Variants in COL23A1 observed in about 807,000 individuals in gnomAD.
COL23A1 encodes collagen alpha-1(XXIII) chain.
A neutral mutation model predicts 99.3 loss-of-function variants in COL23A1; 97 were observed. The ratio of observed to expected loss-of-function variants is 0.98; its 90% CI spans 0.83 to 1.16. The LOEUF (loss-of-function observed/expected upper bound fraction) is 1.16, where lower values mean the gene tolerates loss of function less well. Among genes scored for constraint, COL23A1 ranks in the 50% most tolerant of loss-of-function variants. The probability of loss-of-function intolerance (pLI) is 0.00; values close to 1 mark genes in which losing one functional copy is unlikely to be tolerated. For missense variants in COL23A1, 762 were observed against 757.4 expected (o/e 1.01, Z -0.07); for synonymous variants, 320 against 308.2 (o/e 1.04, Z -0.40).
Position 178,281,483 on chromosome 5 carries a change from T to C in COL23A1, c.441+6841A>G, listed in dbSNP as rs1451558946. ...CTGCTCCCAGGACTGAGGCCGGAGATGAAGTGCAGTCACCGCTCCCTCGAC... is the reference window on the plus strand; with the variant it reads ...CTGCTCCCAGGACTGAGGCCGGAGACGAAGTGCAGTCACCGCTCCCTCGAC... On this transcript the variant is annotated intron_variant, in intron 5 of 28. Coordinates refer to ENST00000390654, the MANE Select transcript of COL23A1 (RefSeq NM_173465.4). The surrounding 1 kb of genome is among the most constrained non-coding windows in gnomAD (Gnocchi z 4.0). 6.6e-6 allele frequency among the ~76,000 whole-genome samples: 1 copy of C among 152,088 alleles called. No homozygotes were observed. The highest frequency in any genetic ancestry group is 1.5e-5 in the Non-Finnish European group (1 of 68,006).
intron 2 of COL23A1, among the ~76,000 whole-genome samples, chr5:178,530,299 A>T (rs1760571078): frequency 6.6e-6 from 1 of 152,134 alleles, no homozygotes; most frequent in South Asian, 2.1e-4. Context: ...CGTCTCTGCT[A>T]AAAATAAAAA....
intron 2 of COL23A1, among the ~76,000 whole-genome samples, chr5:178,417,558 G>T (rs184964400): frequency 1.3e-5 from 2 of 152,188 alleles, no homozygotes; most frequent in African/African-American, 4.8e-5. Flanking sequence ...CATTCCCCCA[G>T]CGAGATATCA....
chr5:178,286,084 C>A (rs1393411891), intron 5 of COL23A1, among the ~76,000 whole-genome samples: 1 of 152,188 alleles, frequency 6.6e-6, no homozygotes, highest in African/African-American at 2.4e-5. Context: ...AAGACGCCTA[C>A]CTCCGTGTGG....
At chr5:178,425,459 AAATAAAT>A (rs1581367447) in intron 2 of COL23A1, among the ~76,000 whole-genome samples, 3 of 149,012 alleles carry the variant, frequency 2.0e-5, no homozygotes, top group South Asian at 4.4e-4. Context: ...ATAAATAAAT[AAATAAAT>A]AAAAATAAAA....
At chr5:178,260,098 G>C (rs149012781) in intron 11 of COL23A1, among the ~76,000 whole-genome samples, 1 of 152,166 alleles carries the variant, frequency 6.6e-6, no homozygotes, top group Non-Finnish European at 1.5e-5. Context: ...ACCAGAGCCC[G>C]CCTCCCCACC....
chr5:178,446,498 A>G (rs541970791), intron 2 of COL23A1, among the ~76,000 whole-genome samples: 2 of 152,300 alleles, frequency 1.3e-5, no homozygotes, highest in Non-Finnish European at 2.9e-5. Flanking sequence ...GGCTTCTCTA[A>G]ATTTTATACA....
chr5:178,240,786 C>T (rs1482645321), intron 27 of COL23A1, among the ~76,000 whole-genome samples: 1 of 152,214 alleles, frequency 6.6e-6, no homozygotes, highest in Non-Finnish European at 1.5e-5. Flanking sequence ...AACTCTGGCA[C>T]CGCTGGAGGT....
intron 26 of COL23A1, 51 bp downstream of exon 26, chr5:178,242,290 T>A (rs763707302): frequency 6.3e-7 from 1 of 1,590,232 alleles, no homozygotes; most frequent in East Asian, 2.3e-5. Flanking sequence ...CACTCCCACC[T>A]GCCTCCTTCC....
chr5:178,587,220 T>C (rs899301579), intron 1 of COL23A1, among the ~76,000 whole-genome samples: 7 of 152,250 alleles, frequency 4.6e-5, no homozygotes, highest in Non-Finnish European at 1.0e-4. Context: ...TATTTTCACA[T>C]CATAGTGAAG....
rs538177908 is a variant in COL23A1 at position 178,291,805 on chromosome 5, G to A, written c.407-1436C>T. 3.9e-5 allele frequency among the ~76,000 whole-genome samples: 6 copies of A among 152,154 alleles called. No homozygotes were observed. In the South Asian group the frequency reaches 1.0e-3, roughly 26 times the overall value. ...GGAGAGATGGGGCTCGCACAGTAGC[G>A]ATGCATAGAGGAAGGAGAGAGATGA... On this transcript the variant is annotated intron_variant, in intron 3 of 28. Transcript: ENST00000390654.
chr5:178,269,591 A>AATCCATCCATCCATCC lies in COL23A1; in HGVS notation c.468+730_468+745dup, dbSNP rs535673246. On this transcript the variant is annotated intron_variant, in intron 6 of 28. Transcript: ENST00000390654. Reference sequence around the variant, plus strand: ...CCATCCACCCACCCACTCATCCATCAATCCATCCATCCATCCATCCATCCA... The same window carrying AATCCATCCATCCATCC: ...CCATCCACCCACCCACTCATCCATCAATCCATCCATCCATCCATCCATCCATCCATCCATCCATCCA... Among the ~76,000 whole-genome samples the AATCCATCCATCCATCC allele has an allele frequency of 6.0e-3, 546 of 90,742 alleles. 4 individuals are homozygous for AATCCATCCATCCATCC. The highest frequency in any genetic ancestry group is 0.011 in the East Asian group (24 of 2,206). The allele number at this position is 90,742 out of a possible 152,430, so 59.5% of individuals were successfully genotyped here. A position where few individuals can be genotyped will look rare whatever the true frequency, so the allele number is the denominator to read the frequency against.
intron 2 of COL23A1, among the ~76,000 whole-genome samples, chr5:178,542,494 G>T (rs544305604): frequency 3.3e-5 from 5 of 152,192 alleles, no homozygotes; most frequent in African/African-American, 7.2e-5. Context: ...AAGGGCCTGC[G>T]CTGGTCACTG....
intron 2 of COL23A1, among the ~76,000 whole-genome samples, chr5:178,480,058 T>C (rs1247421269): frequency 1.3e-5 from 2 of 151,168 alleles, no homozygotes; most frequent in African/African-American, 2.4e-5. Flanking sequence ...AGTAAAACGA[T>C]GGTATTATAA....
rs1287708245 is a variant in COL23A1 at position 178,468,804 on chromosome 5, T to C, written c.361+91878A>G. ...TCTTCACCATTTTTACGGGTACAGC[T>C]CAGTGCATCAGGTGCATTCACACTG... On this transcript the variant is annotated intron_variant, in intron 2 of 28. Coordinates refer to ENST00000390654, the MANE Select transcript of COL23A1 (RefSeq NM_173465.4). The surrounding 1 kb of genome is among the most constrained non-coding windows in gnomAD (Gnocchi z 4.2). Among the ~76,000 whole-genome samples the C allele has an allele frequency of 6.6e-6, 1 of 152,318 alleles. No individual in the cohort carries two copies. Among genetic ancestry groups the C allele is most frequent in the East Asian group, 1.9e-4 (1 of 5,182 alleles).
At chr5:178,303,888 C>G (rs1025484789) in intron 3 of COL23A1, among the ~76,000 whole-genome samples, 2 of 152,190 alleles carry the variant, frequency 1.3e-5, no homozygotes, top group African/African-American at 2.4e-5. Flanking sequence ...AGGGAGGTGT[C>G]CAGGGCTGCG....
intron 2 of COL23A1, among the ~76,000 whole-genome samples, chr5:178,411,581 A>G (rs1026462843): frequency 3.9e-5 from 6 of 152,244 alleles, no homozygotes; most frequent in Non-Finnish European, 1.5e-5. Flanking sequence ...AGAATATATA[A>G]AGCCATAGAG....
chr5:178,342,865 C>T lies in COL23A1; in HGVS notation c.362-35946G>A, dbSNP rs139057118. On this transcript the variant is annotated intron_variant, in intron 2 of 28. Transcript: ENST00000390654. ...GAGAAAATCTATACTGCAACACATT[C>T]GAGTGAAACTTAAGACCATCAGAGA... Among the ~76,000 whole-genome samples the T allele has an allele frequency of 3.0e-4, 46 of 152,218 alleles. No homozygotes were observed. The East Asian group carries it at 3.3e-3, about 11-fold the overall frequency.
intron 8 of COL23A1, among the ~76,000 whole-genome samples, chr5:178,264,718 G>A (rs13171798): frequency 0.16 from 23,783 of 152,130 alleles, 2,144 homozygotes; most frequent in East Asian, 0.41. Flanking sequence ...GTGCAGTGGC[G>A]CAATCTTGGC....
At chr5:178,571,785 C>G (rs1763108214) in intron 1 of COL23A1, among the ~76,000 whole-genome samples, 1 of 152,106 alleles carries the variant, frequency 6.6e-6, no homozygotes, top group Admixed American at 6.5e-5. Context: ...AAGACCTAAA[C>G]TGGGCTGGCC....
Sources: gnomAD v4.1 joint callset for allele counts (sites outside exome capture counted in the v4.1 genomes callset) on GRCh38, gnomAD v4.1.1 for gene constraint, Gnocchi (gnomAD v3.1) non-coding constraint, MANE v1.5 for transcripts, NCBI Gene and HGNC (gene_info 2026-07-23, HGNC 2026-07-21) for gene names.